Variants in OR2L3 observed in about 807,000 individuals in gnomAD.
OR2L3 encodes the protein olfactory receptor 2L3.
For missense variants in OR2L3, 369 were observed against 376.6 expected (o/e 0.98, Z 0.17); for synonymous variants, 131 against 139.1 (o/e 0.94, Z 0.41).
At chr1:248,058,993 T>A (rs1663530803) in intron 1 of OR2L3, among the ~76,000 whole-genome samples, 1 of 152,182 alleles carries the variant, frequency 6.6e-6, no homozygotes, top group Non-Finnish European at 1.5e-5. Flanking sequence ...ACCTGTTGCA[T>A]CCTTTCAGAT....
chr1:248,055,632 C>T (rs928549578), intron 1 of OR2L3, among the ~76,000 whole-genome samples: 1 of 152,180 alleles, frequency 6.6e-6, no homozygotes, highest in Admixed American at 6.5e-5. Context: ...TGTTGTGTGC[C>T]TGTTGTTCCA....
Position 248,061,659 on chromosome 1 carries a change from A to G in OR2L3, c.*39A>G. 2 of 1,527,398 alleles carry G rather than the reference A, an allele frequency of 1.3e-6. No individual in the cohort carries two copies. Among genetic ancestry groups the G allele is most frequent in the Non-Finnish European group, 1.8e-6 (2 of 1,115,518 alleles). 94.6% of individuals were successfully genotyped at this position (1,527,398 alleles called of 1,614,324 possible). A position where few individuals can be genotyped will look rare whatever the true frequency, so the allele number is the denominator to read the frequency against. ...CTAAGGTCTCAGGACTCAGATACAC[A>G]TCCATCCAGCAGTGTATAGTAATTA... On this transcript the variant is annotated 3_prime_UTR_variant, in exon 2 of 2. Transcript: ENST00000359959.
chr1:248,061,658 C>CTGCTGGATGGATGTGT lies in OR2L3; in HGVS notation c.*38_*39insTGCTGGATGGATGTGT. On this transcript the variant is annotated 3_prime_UTR_variant, in exon 2 of 2. Transcript: ENST00000359959. Reference sequence around the variant, plus strand: ...CCTAAGGTCTCAGGACTCAGATACACATCCATCCAGCAGTGTATAGTAATT... The same window carrying CTGCTGGATGGATGTGT: ...CCTAAGGTCTCAGGACTCAGATACACTGCTGGATGGATGTGTATCCATCCAGCAGTGTATAGTAATT... The CTGCTGGATGGATGTGT allele has an allele frequency of 6.5e-7, 1 of 1,542,462 alleles. No homozygotes were observed. The highest frequency in any genetic ancestry group is 8.9e-7 in the Non-Finnish European group (1 of 1,129,002).
At chr1:248,053,891 C>T (rs1051941538) in intron 1 of OR2L3, among the ~76,000 whole-genome samples, 8 of 152,136 alleles carry the variant, frequency 5.3e-5, no homozygotes, top group Non-Finnish European at 1.0e-4. Context: ...CAATAATTTT[C>T]TCCCATTCTG....
intron 1 of OR2L3, among the ~76,000 whole-genome samples, chr1:248,054,844 GAGTC>G (rs1458280723): frequency 6.6e-6 from 1 of 152,192 alleles, no homozygotes; most frequent in Admixed American, 6.5e-5. Context: ...CCTTTGGGCT[GAGTC>G]AGTCTGGTTT....
intron 1 of OR2L3, among the ~76,000 whole-genome samples, chr1:248,054,505 G>A (rs970877870): frequency 5.9e-5 from 9 of 152,012 alleles, no homozygotes; most frequent in South Asian, 2.1e-4. Flanking sequence ...TATTGGAATA[G>A]CATTGTATCT....
At chr1:248,050,525 G>A (rs1663229982) in intron 1 of OR2L3, among the ~76,000 whole-genome samples, 1 of 151,920 alleles carries the variant, frequency 6.6e-6, no homozygotes. Context: ...CTGGAACATG[G>A]ATAATAAAAA....
rs140115140 is a variant in OR2L3, at chr1:248,048,923, C to CTTT, written c.-22+2055_-22+2057dup. Among the ~76,000 whole-genome samples the CTTT allele has an allele frequency of 2.3e-3, 320 of 141,702 alleles. 1 individual carries two copies. The highest frequency in any genetic ancestry group is 5.9e-3 in the African/African-American group (232 of 38,996). 93.0% of individuals were successfully genotyped at this position (141,702 alleles called of 152,430 possible). On this transcript the variant is annotated intron_variant, in intron 1 of 1. Coordinates refer to ENST00000359959, the MANE Select transcript of OR2L3 (RefSeq NM_001004687.2). ...GCTTTTTCTTTCCTTTTCTCTCTCT[C>CTTT]TTTTTTTTTTTTTTGGTAAATCCAC...
At position 248,061,592 on chromosome 1, in the gene OR2L3, G is replaced by A; in HGVS notation, c.911G>A (p.Ser304Asn). 2 of 1,612,672 alleles carry A rather than the reference G, an allele frequency of 1.2e-6. No individual in the cohort carries two copies. Among genetic ancestry groups the A allele is most frequent in the Non-Finnish European group, 1.7e-6 (2 of 1,179,396 alleles). Residue 304 changes from serine (S) to asparagine (N), a missense_variant, in exon 2 of 2, where the codon AGT (serine) becomes AAT (asparagine). Physicochemically the swap from Ser to Asn is conservative, Grantham distance 46. Transcript: ENST00000359959. Reference protein sequence around the residue: ...KEVMGALTRVSQRICSGKM With the variant: ...KEVMGALTRVNQRICSGKM ...GTGATGGGGGCCCTGACACGAGTGA[G>A]TCAGAGAATCTGCTCTGGGAAAATG...
intron 1 of OR2L3, among the ~76,000 whole-genome samples, chr1:248,051,906 C>A (rs1418793119): frequency 6.6e-6 from 1 of 152,094 alleles, no homozygotes; most frequent in African/African-American, 2.4e-5. Context: ...TGATTTTTGA[C>A]TTTATGATGA....
At chr1:248,048,126 A>G (rs1663140703) in intron 1 of OR2L3, among the ~76,000 whole-genome samples, 1 of 152,194 alleles carries the variant, frequency 6.6e-6, no homozygotes, top group Non-Finnish European at 1.5e-5. Context: ...CTGTCTAGCC[A>G]TGGAAATGTC....
At chr1:248,047,376 A>G (rs955125134) in intron 1 of OR2L3, among the ~76,000 whole-genome samples, 1 of 152,194 alleles carries the variant, frequency 6.6e-6, no homozygotes, top group African/African-American at 2.4e-5. Context: ...AATGCCTGGA[A>G]AGTATTAGTG....
At chr1:248,050,850 T>A (rs1209972153) in intron 1 of OR2L3, among the ~76,000 whole-genome samples, 1 of 152,172 alleles carries the variant, frequency 6.6e-6, no homozygotes, top group East Asian at 1.9e-4. Flanking sequence ...TTTGCTCTTC[T>A]AAATTTTTTT....
At chr1:248,048,260 T>C (rs1406226498) in intron 1 of OR2L3, among the ~76,000 whole-genome samples, 1 of 152,226 alleles carries the variant, frequency 6.6e-6, no homozygotes, top group African/African-American at 2.4e-5. Context: ...TTTATATTCT[T>C]TACTCCTTTA....
chr1:248,050,871 G>A (rs1252248372), intron 1 of OR2L3, among the ~76,000 whole-genome samples: 1 of 151,776 alleles, frequency 6.6e-6, no homozygotes, highest in African/African-American at 2.4e-5. Context: ...TCAAAAATTA[G>A]CAATGTCATA....
intron 1 of OR2L3, chr1:248,055,689 G>A (rs773438344): frequency 3.9e-5 from 6 of 152,238 alleles, no homozygotes; most frequent in South Asian, 2.1e-4. Context: ...CCCAGGAGGC[G>A]AAGGTCGCAG....
Position 248,060,462 on chromosome 1 carries a change from A to G in OR2L3, c.-21-199A>G, listed in dbSNP as rs916945083. Among the ~76,000 whole-genome samples the G allele has an allele frequency of 2.6e-5, 4 of 152,314 alleles. No homozygotes were observed. The East Asian group carries it at 7.7e-4, about 29-fold the overall frequency. On this transcript the variant is annotated intron_variant, in intron 1 of 1. Coordinates refer to ENST00000359959, the MANE Select transcript of OR2L3 (RefSeq NM_001004687.2). ...TACTGTATATTCATTCTATTTTATT[A>G]TAAGTTACTCTTGTTTATCTCTTAC... is the stretch of plus-strand genomic sequence containing the variant.
At position 248,060,853 on chromosome 1, in the gene OR2L3, A is replaced by C; in HGVS notation, c.172A>C (p.Met58Leu). Residue 58 changes from methionine to leucine, a missense_variant, in exon 2 of 2, where the codon ATG becomes CTG. Met to Leu is a conservative substitution (Grantham distance 15). Coordinates refer to ENST00000359959, the MANE Select transcript of OR2L3 (RefSeq NM_001004687.2). ...IFLDTHLHTP[M>L]YFLLSQLSLI... ...CTTGGACACCCATCTCCACACACCC[A>C]TGTATTTCCTACTTAGTCAGCTCTC... is the stretch of plus-strand genomic sequence containing the variant. 3.7e-6 allele frequency: 6 copies of C among 1,613,860 alleles called. No individual in the cohort carries two copies. Among genetic ancestry groups the C allele is most frequent in the Non-Finnish European group, 5.1e-6 (6 of 1,179,870 alleles).
intron 1 of OR2L3, among the ~76,000 whole-genome samples, chr1:248,049,867 A>G (rs1242764044): frequency 6.6e-6 from 1 of 152,178 alleles, no homozygotes; most frequent in African/African-American, 2.4e-5. Context: ...ATGTACGTTT[A>G]TTTATCTAGA....
Sources: gnomAD v4.1 joint callset for allele counts (sites outside exome capture counted in the v4.1 genomes callset) on GRCh38, gnomAD v4.1.1 for gene constraint, MANE v1.5 for transcripts, NCBI Gene and HGNC (gene_info 2026-07-23, HGNC 2026-07-21) for gene names.